The following NCAM1 variants were observed in gnomAD, a reference collection of about 807,000 sequenced individuals.
NCAM1 encodes the protein antigen recognized by monoclonal antibody 5.1H11.
In NCAM1, 14 loss-of-function variants were observed where a neutral mutation model predicts 109.8. The observed-to-expected ratio is 0.13, with a 90% confidence interval of 0.08 to 0.20. The LOEUF is 0.20. NCAM1 is among the 10% of genes least tolerant of loss of function. NCAM1 has a pLI of 1.00. For missense variants in NCAM1, 774 were observed against 1,109.9 expected (o/e 0.70, Z 4.30); for synonymous variants, 418 against 442.9 (o/e 0.94, Z 0.70).
chr11:113,176,602 A>C (rs1943150742), intron 1 of NCAM1, among the ~76,000 whole-genome samples: 1 of 152,234 alleles, frequency 6.6e-6, no homozygotes, highest in South Asian at 2.1e-4. Flanking sequence ...GCCTGGGAAG[A>C]ATAAACACAA....
At chr11:113,193,880 C>T (rs1200306428) in intron 1 of NCAM1, among the ~76,000 whole-genome samples, 8 of 152,244 alleles carry the variant, frequency 5.3e-5, no homozygotes, top group Middle Eastern at 3.4e-3. Context: ...AAATTAGTCA[C>T]GTTTTCTAGC....
At chr11:113,025,806 A>G (rs28436937) in intron 1 of NCAM1, among the ~76,000 whole-genome samples, 1 of 127,188 alleles carries the variant, frequency 7.9e-6, no homozygotes, top group African/African-American at 3.0e-5. Context: ...AGAGAGAGAG[A>G]GAGAGAGAGA....
chr11:113,267,682 A>G (rs142861044), intron 17 of NCAM1, among the ~76,000 whole-genome samples: 19 of 152,232 alleles, frequency 1.2e-4, no homozygotes, highest in Non-Finnish European at 2.5e-4. Flanking sequence ...TTTGAATTTT[A>G]TATTCAAATG....
intron 1 of NCAM1, among the ~76,000 whole-genome samples, chr11:113,062,491 T>C (rs542166754): frequency 1.3e-5 from 2 of 152,272 alleles, no homozygotes; most frequent in South Asian, 4.1e-4. Context: ...ATGAATCTCA[T>C]GTCATAGTGG....
intron 1 of NCAM1, among the ~76,000 whole-genome samples, chr11:112,972,915 G>C (rs1219263694): frequency 1.3e-5 from 2 of 152,094 alleles, no homozygotes; most frequent in African/African-American, 4.8e-5. Flanking sequence ...TGGGCGCATT[G>C]AACTATGCAT....
rs371620623 is a variant in NCAM1, at chr11:113,043,837, A to G, written c.52+82173A>G. On this transcript the variant is annotated intron_variant, in intron 1 of 19. Transcript: ENST00000316851. ...CCAACCTGCAGGGCCCCCGCCTGAC[A>G]CAGCCTCCAGGGCCATGCTCCACCT... Among the ~76,000 whole-genome samples, 175 of 152,124 alleles carry G rather than the reference A, an allele frequency of 1.2e-3. 1 individual carries two copies. The highest frequency in any genetic ancestry group is 4.1e-3 in the African/African-American group (170 of 41,506).
chr11:113,045,117 T>C, intron 1 of NCAM1, among the ~76,000 whole-genome samples: 1 of 152,214 alleles, frequency 6.6e-6, no homozygotes, highest in East Asian at 1.9e-4. Context: ...TCCCCAGTTT[T>C]AGTGTATTCG....
intron 1 of NCAM1, among the ~76,000 whole-genome samples, chr11:113,086,366 G>A (rs568056195): frequency 2.0e-5 from 3 of 152,334 alleles, no homozygotes; most frequent in African/African-American, 7.2e-5. Flanking sequence ...AGACCCCTCA[G>A]ACTCCCTGCC....
chr11:113,221,369 A>C, intron 9 of NCAM1, 44 bp downstream of exon 9: 1 of 1,551,960 alleles, frequency 6.4e-7, no homozygotes, highest in Non-Finnish European at 8.7e-7. Flanking sequence ...TTTTGAAAGC[A>C]TTACAGTTTA....
intron 1 of NCAM1, chr11:113,133,534 A>G (rs1555098789): frequency 6.6e-6 from 1 of 152,160 alleles, no homozygotes; most frequent in Non-Finnish European, 1.5e-5. Context: ...ATCACTGGGA[A>G]TTTTTTTACT....
intron 1 of NCAM1, among the ~76,000 whole-genome samples, chr11:113,114,494 A>C (rs1038395164): frequency 6.6e-6 from 1 of 152,354 alleles, no homozygotes; most frequent in Middle Eastern, 3.4e-3. Flanking sequence ...CATGTCACTG[A>C]GTATAATGAC....
chr11:113,154,786 A>G (rs1047274234), intron 1 of NCAM1, among the ~76,000 whole-genome samples: 1 of 152,206 alleles, frequency 6.6e-6, no homozygotes, highest in Non-Finnish European at 1.5e-5. Flanking sequence ...CATGAGGATA[A>G]GAGTGATGGC....
intron 1 of NCAM1, among the ~76,000 whole-genome samples, chr11:113,198,063 T>C (rs1259136561): frequency 6.6e-6 from 1 of 152,158 alleles, no homozygotes; most frequent in Non-Finnish European, 1.5e-5. Context: ...GAAAACACAT[T>C]TCAAAATCTA....
chr11:113,268,610 G>A lies in NCAM1; in HGVS notation c.2132-1578G>A, dbSNP rs142269430. ...TTTGAAATATGGACCAGTGGAGAGG[G>A]ACAGCCACCAGAGAAGCACTAGAGT... is the stretch of plus-strand genomic sequence containing the variant. On this transcript the variant is annotated intron_variant, in intron 17 of 19. Coordinates refer to ENST00000316851, the MANE Select transcript of NCAM1 (RefSeq NM_181351.5). Among the ~76,000 whole-genome samples, 531 of 152,298 alleles carry A rather than the reference G, an allele frequency of 3.5e-3. 2 individuals are homozygous for A. The highest frequency in any genetic ancestry group is 0.014 in the Middle Eastern group (4 of 294).
At chr11:113,062,818 A>G (rs1245092) in intron 1 of NCAM1, among the ~76,000 whole-genome samples, 126,292 of 152,024 alleles carry the variant, frequency 0.83, 52,790 homozygotes, top group African/African-American at 0.92. Flanking sequence ...AAAATTAAAA[A>G]TTAGCTGGAT....
intron 1 of NCAM1, among the ~76,000 whole-genome samples, chr11:113,144,205 T>C (rs1941932504): frequency 6.6e-6 from 1 of 152,142 alleles, no homozygotes; most frequent in African/African-American, 2.4e-5. Context: ...GCTCTTCAGA[T>C]CTAAGATTCT....
intron 1 of NCAM1, among the ~76,000 whole-genome samples, chr11:113,147,442 C>T (rs1050019480): frequency 2.2e-4 from 33 of 152,250 alleles, no homozygotes; most frequent in African/African-American, 7.5e-4. Context: ...TCAGCGACAG[C>T]TGCTGAAAGC....
At chr11:113,178,769 A>G (rs1384068475) in intron 1 of NCAM1, among the ~76,000 whole-genome samples, 1 of 152,202 alleles carries the variant, frequency 6.6e-6, no homozygotes, top group Non-Finnish European at 1.5e-5. Flanking sequence ...GTTTCTGAAG[A>G]GTGAAGAACC....
chr11:113,197,663 C>A (rs1591407877), intron 1 of NCAM1, among the ~76,000 whole-genome samples: 1 of 152,170 alleles, frequency 6.6e-6, no homozygotes, highest in East Asian at 1.9e-4. Context: ...TTTATAACAT[C>A]TTGACAAGGA....
Sources: allele counts gnomAD v4.1 joint callset (sites outside exome capture counted in the v4.1 genomes callset), GRCh38; gene constraint gnomAD v4.1.1; transcripts MANE v1.5; gene names NCBI Gene and HGNC (gene_info 2026-07-23, HGNC 2026-07-21).